The following ZNF423 variants were observed in gnomAD, a reference collection of about 807,000 sequenced individuals.
The protein encoded by ZNF423 is Ebf-associated zinc finger protein.
Under a neutral mutation model 95.8 loss-of-function variants are expected in ZNF423, and 12 were observed. The ratio of observed to expected loss-of-function variants is 0.13; its 90% CI spans 0.08 to 0.20. The LOEUF (loss-of-function observed/expected upper bound fraction) is 0.20. Ranked by LOEUF, ZNF423 falls within the 10% of genes least tolerant of loss-of-function variation. ZNF423 has a pLI of 1.00. For missense variants in ZNF423, 1,316 were observed against 1,737.1 expected (o/e 0.76, Z 4.31); for synonymous variants, 749 against 711.9 (o/e 1.05, Z -0.83).
chr16:49,768,635 C>A (rs755226466), intron 2 of ZNF423, among the ~76,000 whole-genome samples: 1 of 152,136 alleles, frequency 6.6e-6, no homozygotes, highest in Non-Finnish European at 1.5e-5. Context: ...TCCTCATCAT[C>A]CCATCCTTCA....
chr16:49,531,833 C>T (rs528778807), intron 5 of ZNF423, among the ~76,000 whole-genome samples: 17 of 152,240 alleles, frequency 1.1e-4, no homozygotes, highest in African/African-American at 2.6e-4. Context: ...CTCTGGCAGC[C>T]CACGGGAACC....
chr16:49,784,204 A>G (rs2883978), intron 2 of ZNF423, among the ~76,000 whole-genome samples: 15,367 of 152,046 alleles, frequency 0.1, 774 homozygotes, highest in Middle Eastern at 0.15. Context: ...CACGCCTACA[A>G]ACACACCCAA....
At position 49,496,227 on chromosome 16, in the gene ZNF423, G is replaced by A. The variant is rs543314614; in HGVS notation, c.3850-4923C>T. ...GCCTTGGGCAAGTTCTGTGACCTCC[G>A]GGTTTTGGGGGTGGTTAATAACACA... On this transcript the variant is annotated intron_variant, in intron 7 of 7. Transcript: ENST00000563137. Among the ~76,000 whole-genome samples, 13 of 152,292 alleles carry A rather than the reference G, an allele frequency of 8.5e-5. No homozygotes were observed. In the East Asian group the frequency reaches 1.9e-3, roughly 23 times the overall value.
chr16:49,833,540 G>A (rs2035083685), intron 1 of ZNF423, among the ~76,000 whole-genome samples: 1 of 152,142 alleles, frequency 6.6e-6, no homozygotes, highest in South Asian at 2.1e-4. Context: ...TTCGAGTGAG[G>A]AAATTAGGCA....
intron 1 of ZNF423, among the ~76,000 whole-genome samples, chr16:49,840,744 C>T (rs776825602): frequency 2.7e-4 from 41 of 149,546 alleles, no homozygotes; most frequent in Non-Finnish European, 5.9e-4. Context: ...CACAGACTCA[C>T]ACACATGCAC....
At chr16:49,607,933 G>T (rs1338666298) in intron 5 of ZNF423, among the ~76,000 whole-genome samples, 1 of 152,194 alleles carries the variant, frequency 6.6e-6, no homozygotes, top group Non-Finnish European at 1.5e-5. Flanking sequence ...TATGGCCAGT[G>T]GAATTTCCGT....
intron 2 of ZNF423, among the ~76,000 whole-genome samples, chr16:49,783,522 G>A (rs549960026): frequency 6.9e-6 from 1 of 145,740 alleles, no homozygotes; most frequent in East Asian, 2.1e-4. Flanking sequence ...CGGGAAAGAG[G>A]GGGGTTAGAG....
chr16:49,784,502 A>C (rs1360020395), intron 2 of ZNF423, among the ~76,000 whole-genome samples: 1 of 152,276 alleles, frequency 6.6e-6, no homozygotes, highest in Non-Finnish European at 1.5e-5. Flanking sequence ...AGAATATTAT[A>C]CAGCCCTAAA....
intron 3 of ZNF423, among the ~76,000 whole-genome samples, chr16:49,652,656 C>T (rs906532838): frequency 2.0e-5 from 3 of 152,232 alleles, no homozygotes; most frequent in African/African-American, 4.8e-5. Context: ...GAGCAAAGGG[C>T]GCTCTGCTCC....
chr16:49,804,395 C>T (rs2034630061), intron 1 of ZNF423, among the ~76,000 whole-genome samples: 1 of 152,038 alleles, frequency 6.6e-6, no homozygotes, highest in East Asian at 1.9e-4. Context: ...AAGTAAAGTT[C>T]AGAAAAAAAT....
At chr16:49,858,429 G>A (rs1226049111), upstream of ZNF423, among the ~76,000 whole-genome samples, 1 of 148,200 alleles carries the variant, frequency 6.7e-6, no homozygotes, top group Non-Finnish European at 1.5e-5. The surrounding 1 kb of genome is among the most constrained non-coding windows in gnomAD (Gnocchi z 4.3). Context: ...GCTGGAGGAT[G>A]CGGAGAGGCC....
chr16:49,620,162 C>CCA (rs1555512915), intron 5 of ZNF423, among the ~76,000 whole-genome samples: 1 of 147,042 alleles, frequency 6.8e-6, no homozygotes, highest in African/African-American at 2.6e-5. Flanking sequence ...CACACACACA[C>CCA]CACACACACA....
At chr16:49,745,010 G>A (rs770176076) in intron 2 of ZNF423, among the ~76,000 whole-genome samples, 4 of 152,092 alleles carry the variant, frequency 2.6e-5, no homozygotes, top group Non-Finnish European at 5.9e-5. Flanking sequence ...TCCACGATCA[G>A]GCTTCTTTCT....
At chr16:49,783,178 G>A (rs2034242165) in intron 2 of ZNF423, among the ~76,000 whole-genome samples, 1 of 152,094 alleles carries the variant, frequency 6.6e-6, no homozygotes, top group Non-Finnish European at 1.5e-5. Flanking sequence ...GGTAAGATGT[G>A]TCTCCCTGCC....
At chr16:49,677,766 A>AG (rs1259467558) in intron 3 of ZNF423, among the ~76,000 whole-genome samples, 1 of 147,128 alleles carries the variant, frequency 6.8e-6, no homozygotes, top group Non-Finnish European at 1.5e-5. Flanking sequence ...AAAAAAAAAA[A>AG]AAAGAGAGAG....
At chr16:49,523,017 GACCGTC>G (rs1341344872) in intron 7 of ZNF423, among the ~76,000 whole-genome samples, 1 of 152,180 alleles carries the variant, frequency 6.6e-6, no homozygotes, top group Non-Finnish European at 1.5e-5. Flanking sequence ...TGCCTGGGAA[GACCGTC>G]ACACCAGCTT....
intron 7 of ZNF423, among the ~76,000 whole-genome samples, chr16:49,510,088 C>G (rs1361854156): frequency 6.6e-6 from 1 of 152,240 alleles, no homozygotes; most frequent in Non-Finnish European, 1.5e-5. Flanking sequence ...GCTGTTGAGC[C>G]TGCTTCTCCC....
At chr16:49,639,571 C>T (rs1972900790) in intron 3 of ZNF423, among the ~76,000 whole-genome samples, 2 of 152,282 alleles carry the variant, frequency 1.3e-5, no homozygotes, top group South Asian at 2.1e-4. Context: ...CTGGCCCAGG[C>T]CATCCTGAGA....
chr16:49,611,030 G>A (rs544759719), intron 5 of ZNF423, among the ~76,000 whole-genome samples: 1 of 152,184 alleles, frequency 6.6e-6, no homozygotes, highest in Non-Finnish European at 1.5e-5. Flanking sequence ...AGAGCTGACA[G>A]AAGAAATAGA....
Sources: allele counts gnomAD v4.1 joint callset (sites outside exome capture counted in the v4.1 genomes callset), GRCh38; gene constraint gnomAD v4.1.1; non-coding constraint Gnocchi (gnomAD v3.1); transcripts MANE v1.5; gene names NCBI Gene and HGNC (gene_info 2026-07-23, HGNC 2026-07-21).